SPRED2: variants seen among roughly 807,000 people sequenced by gnomAD.
SPRED2 encodes sprouty-related, EVH1 domain-containing protein 2.
A neutral mutation model predicts 43.0 loss-of-function variants in SPRED2; 47 were observed. That is an observed-to-expected ratio of 1.09 (90% confidence interval 0.87 to 1.40). The LOEUF (loss-of-function observed/expected upper bound fraction) is 1.40, where lower values mean the gene tolerates loss of function less well. SPRED2 is among the 40% of genes most tolerant of loss of function. The pLI is 0.00. For synonymous variants in SPRED2, 225 were observed against 225.7 expected, an observed-to-expected ratio of 1.00 and a Z score of 0.03; for missense variants, 561 against 586.4, an observed-to-expected ratio of 0.96 and a Z score of 0.45.
Position 65,344,785 on chromosome 2 carries a change from G to A in SPRED2, c.138C>T (p.Val46=). ...GGISRVGVCK[V]MHPEGNGRSG... ...TTCGTCCATTGCCTTCGGGGTGCAT[G>A]ACCTTACAGACCCCGACGCGACTGA... The change falls in exon 2 of 6, where the codon GTC becomes GTT. Residue 46 remains valine (V), a synonymous_variant. Transcript: ENST00000356388. 1.2e-6 allele frequency: 2 copies of A among 1,614,194 alleles called. No homozygotes were observed. Among genetic ancestry groups the A allele is most frequent in the Non-Finnish European group, 1.7e-6 (2 of 1,180,024 alleles).
intron 4 of SPRED2, among the ~76,000 whole-genome samples, chr2:65,325,604 G>C (rs1673587644): frequency 2.0e-5 from 3 of 152,052 alleles, no homozygotes. Flanking sequence ...AACATTACAG[G>C]TTAGAGGAGT....
chr2:65,356,925 C>G (rs1197040579), intron 1 of SPRED2, among the ~76,000 whole-genome samples: 1 of 152,036 alleles, frequency 6.6e-6, no homozygotes, highest in Non-Finnish European at 1.5e-5. Flanking sequence ...ACCCGAGAAG[C>G]GGAGTTAGAA....
intron 1 of SPRED2, among the ~76,000 whole-genome samples, chr2:65,378,652 T>C (rs1675301935): frequency 6.6e-6 from 1 of 152,224 alleles, no homozygotes; most frequent in Non-Finnish European, 1.5e-5. Flanking sequence ...TCCTGTGTGA[T>C]CCTCAGATGA....
At chr2:65,416,810 T>C (rs1676285837) in intron 1 of SPRED2, among the ~76,000 whole-genome samples, 1 of 152,128 alleles carries the variant, frequency 6.6e-6, no homozygotes, top group Admixed American at 6.5e-5. Context: ...TTGGGGACTA[T>C]TTTCATTCTG....
intron 2 of SPRED2, among the ~76,000 whole-genome samples, chr2:65,335,417 T>C (rs1187457742): frequency 6.6e-6 from 1 of 152,254 alleles, no homozygotes; most frequent in Non-Finnish European, 1.5e-5. Flanking sequence ...TTCAAGTTTC[T>C]AGCAATTTAA....
At position 65,355,595 on chromosome 2, in the gene SPRED2, G is replaced by A. The variant is rs377324479; in HGVS notation, c.27-10699C>T. Among the ~76,000 whole-genome samples, 10 of 152,238 alleles carry A rather than the reference G, an allele frequency of 6.6e-5. No individual in the cohort carries two copies. In the East Asian group the frequency reaches 1.7e-3, roughly 26 times the overall value. On this transcript the variant is annotated intron_variant, in intron 1 of 5. Coordinates refer to ENST00000356388, the MANE Select transcript of SPRED2 (RefSeq NM_181784.3). ...TAGCCGGGCATGGTGGTGGACACCT[G>A]TAAACCCAGCTACTCAGGAGGCTGA...
chr2:65,363,005 G>GTT (rs113081105), intron 1 of SPRED2, among the ~76,000 whole-genome samples: 1,893 of 120,438 alleles, frequency 0.016, 82 homozygotes, highest in Non-Finnish European at 0.022. Context: ...ATCATGTTTT[G>GTT]TTTTTTTTTT....
chr2:65,412,641 T>C (rs1414319616), intron 1 of SPRED2, among the ~76,000 whole-genome samples: 1 of 152,230 alleles, frequency 6.6e-6, no homozygotes, highest in Non-Finnish European at 1.5e-5. Context: ...TTTTGTTTAA[T>C]GATCCTTTGT....
intron 1 of SPRED2, among the ~76,000 whole-genome samples, chr2:65,370,415 G>T (rs1322188099): frequency 6.6e-6 from 1 of 152,154 alleles, no homozygotes; most frequent in Non-Finnish European, 1.5e-5. Context: ...GTGTTTATAT[G>T]CTGTCTATGG....
intron 1 of SPRED2, among the ~76,000 whole-genome samples, chr2:65,423,964 T>C (rs767597492): frequency 3.3e-5 from 5 of 152,056 alleles, no homozygotes; most frequent in Non-Finnish European, 7.4e-5. Flanking sequence ...TAATTTTGTA[T>C]ATTTAGTAGA....
chr2:65,414,483 T>C (rs574203406), intron 1 of SPRED2, among the ~76,000 whole-genome samples: 1 of 150,832 alleles, frequency 6.6e-6, no homozygotes, highest in Admixed American at 6.6e-5. Context: ...TGTGAAGTAC[T>C]TGCCCAAGGG....
At chr2:65,373,090 T>C (rs1286928539) in intron 1 of SPRED2, among the ~76,000 whole-genome samples, 1 of 152,188 alleles carries the variant, frequency 6.6e-6, no homozygotes, top group Non-Finnish European at 1.5e-5. Flanking sequence ...TTAATCATTC[T>C]CCTAGGTAAA....
intron 1 of SPRED2, among the ~76,000 whole-genome samples, chr2:65,367,952 T>C (rs1410042409): frequency 2.6e-5 from 4 of 151,876 alleles, no homozygotes; most frequent in African/African-American, 9.7e-5. Context: ...TTTGATTTAG[T>C]GGCTGACAAA....
rs994249464 is a variant in SPRED2 at position 65,311,678 on chromosome 2, C to G, written c.*1823G>C. 5.0e-5 allele frequency: 49 copies of G among 985,450 alleles called. No homozygotes were observed. The highest frequency in any genetic ancestry group is 5.7e-5 in the Non-Finnish European group (47 of 829,946). The allele number at this position is 985,450 out of a possible 1,614,324, so 61.0% of individuals were successfully genotyped here. On this transcript the variant is annotated 3_prime_UTR_variant, in exon 6 of 6. Transcript: ENST00000356388. Reference sequence around the variant, plus strand: ...CTTCCATCAATCCAGATGGACAGCTCTCTGCTCCTTTTCCAAACTGGAAAG... The same window carrying G: ...CTTCCATCAATCCAGATGGACAGCTGTCTGCTCCTTTTCCAAACTGGAAAG...
chr2:65,379,953 T>C (rs1675333796), intron 1 of SPRED2, among the ~76,000 whole-genome samples: 1 of 152,188 alleles, frequency 6.6e-6, no homozygotes, highest in Non-Finnish European at 1.5e-5. Context: ...CCACCCCAGC[T>C]GGGTGTTGCT....
At chr2:65,391,343 G>C (rs956787966) in intron 1 of SPRED2, among the ~76,000 whole-genome samples, 1 of 152,052 alleles carries the variant, frequency 6.6e-6, no homozygotes, top group African/African-American at 2.4e-5. Flanking sequence ...AGAAAAACAA[G>C]AGTCATGCCA....
At chr2:65,420,260 T>C (rs376093741) in intron 1 of SPRED2, among the ~76,000 whole-genome samples, 288 of 139,158 alleles carry the variant, frequency 2.1e-3, no homozygotes, top group African/African-American at 7.7e-3. Flanking sequence ...CTAATGAAGA[T>C]ACAACTGGAG....
At chr2:65,399,681 T>A (rs1385041633) in intron 1 of SPRED2, among the ~76,000 whole-genome samples, 1 of 152,110 alleles carries the variant, frequency 6.6e-6, no homozygotes, top group Non-Finnish European at 1.5e-5. Flanking sequence ...GCGCCTGGCC[T>A]TAACTGGAAA....
chr2:65,381,113 A>G (rs1220929111), intron 1 of SPRED2, among the ~76,000 whole-genome samples: 1 of 152,172 alleles, frequency 6.6e-6, no homozygotes, highest in Non-Finnish European at 1.5e-5. Flanking sequence ...CTGACTCCAG[A>G]CACATGGCTC....
Sources: gnomAD v4.1 joint callset for allele counts (sites outside exome capture counted in the v4.1 genomes callset) on GRCh38, gnomAD v4.1.1 for gene constraint, MANE v1.5 for transcripts, NCBI Gene and HGNC (gene_info 2026-07-23, HGNC 2026-07-21) for gene names.